Variants in GPAT3 observed in about 807,000 individuals in gnomAD.
GPAT3 encodes the protein 1-AGP acyltransferase 9.
In GPAT3, 53 loss-of-function variants were observed where a neutral mutation model predicts 58.8. The ratio of observed to expected loss-of-function variants is 0.90; its 90% CI spans 0.72 to 1.13. The LOEUF is 1.13. GPAT3 is among the 50% of genes most tolerant of loss of function. The pLI is 0.00. For synonymous variants in GPAT3, 197 were observed against 187.4 expected (o/e 1.05, Z -0.42); for missense variants, 511 against 527.6 (o/e 0.97, Z 0.31).
chr4:83,601,695 A>G (rs543096643), intron 11 of GPAT3, among the ~76,000 whole-genome samples: 2 of 152,390 alleles, frequency 1.3e-5, no homozygotes, highest in South Asian at 2.1e-4. Flanking sequence ...TCGAGGCTGC[A>G]GTTAGCTGAG....
intron 2 of GPAT3, among the ~76,000 whole-genome samples, chr4:83,574,911 T>A (rs1232161398): frequency 7.1e-6 from 1 of 141,382 alleles, no homozygotes; most frequent in Non-Finnish European, 1.5e-5. Context: ...GGAGTCTCGC[T>A]ATCGCCCAGG....
At chr4:83,567,257 G>T (rs1725433180) in intron 2 of GPAT3, among the ~76,000 whole-genome samples, 2 of 152,098 alleles carry the variant, frequency 1.3e-5, no homozygotes, top group African/African-American at 2.4e-5. Context: ...AGTGCCTTTA[G>T]GGTCTTCCCA....
chr4:83,579,479 G>C (rs1726027357), intron 2 of GPAT3, among the ~76,000 whole-genome samples: 1 of 151,710 alleles, frequency 6.6e-6, no homozygotes, highest in Admixed American at 6.6e-5. Context: ...TTTTTGTGGA[G>C]ACAGGTTTCA....
intron 2 of GPAT3, among the ~76,000 whole-genome samples, chr4:83,577,102 G>C (rs1424621848): frequency 6.6e-6 from 1 of 152,136 alleles, no homozygotes; most frequent in Non-Finnish European, 1.5e-5. Context: ...ACTTCCCAAA[G>C]TATACAATCT....
rs529043483 is a variant in GPAT3, at chr4:83,549,711, T to TTTATTATTATTATTA, written c.208+5112_208+5126dup. On this transcript the variant is annotated intron_variant, in intron 2 of 11. Coordinates refer to ENST00000264409, the MANE Select transcript of GPAT3 (RefSeq NM_032717.5). ...CACGCCTGGCTAATTTTTGTATATA[T>TTTATTATTATTATTA]TTATTATTATTATTATTGTTATTAT... Among the ~76,000 whole-genome samples the TTTATTATTATTATTA allele has an allele frequency of 6.1e-3, 870 of 142,852 alleles. 8 individuals are homozygous for TTTATTATTATTATTA. The highest frequency in any genetic ancestry group is 0.019 in the African/African-American group (712 of 37,972). 93.7% of individuals were successfully genotyped at this position (142,852 alleles called of 152,430 possible). A position where few individuals can be genotyped will look rare whatever the true frequency, so the allele number is the denominator to read the frequency against.
intron 2 of GPAT3, among the ~76,000 whole-genome samples, chr4:83,561,701 TAAAG>T (rs1197311641): frequency 1.3e-5 from 2 of 151,796 alleles, no homozygotes; most frequent in African/African-American, 2.4e-5. Context: ...TGCTAATCGA[TAAAG>T]AAGCATGTTT....
At chr4:83,595,083 T>C in intron 7 of GPAT3, 123 bp downstream of exon 7, 1 of 802,952 alleles carries the variant, frequency 1.2e-6, no homozygotes, top group Non-Finnish European at 2.0e-6. Flanking sequence ...CTGTTTGCTG[T>C]TGGATTTTTC....
intron 2 of GPAT3, among the ~76,000 whole-genome samples, chr4:83,571,821 G>A (rs2110089375): frequency 6.6e-6 from 1 of 151,842 alleles, no homozygotes; most frequent in East Asian, 1.9e-4. Flanking sequence ...TATCCAGGCT[G>A]GAGTGCAGTG....
intron 1 of GPAT3, among the ~76,000 whole-genome samples, chr4:83,544,287 G>A (rs1578159203): frequency 6.6e-6 from 1 of 152,216 alleles, no homozygotes; most frequent in African/African-American, 2.4e-5. Flanking sequence ...GGTCACCAAT[G>A]CATGTGAGGC....
intron 2 of GPAT3, among the ~76,000 whole-genome samples, chr4:83,566,449 T>A (rs201738178): frequency 3.0e-5 from 3 of 99,368 alleles, no homozygotes; most frequent in Admixed American, 1.0e-4. Context: ...TATTATTATT[T>A]TTAATAGAGA....
chr4:83,587,824 T>G (rs1178443866), intron 4 of GPAT3, among the ~76,000 whole-genome samples: 1 of 152,154 alleles, frequency 6.6e-6, no homozygotes, highest in Non-Finnish European at 1.5e-5. Flanking sequence ...CCATATTAAT[T>G]GAAAGAAGTT....
At chr4:83,535,787 C>T (rs991216693), upstream of GPAT3, 17 of 985,378 alleles carry the variant, frequency 1.7e-5, no homozygotes, top group Non-Finnish European at 2.0e-5. Context: ...GCGTGGTGCG[C>T]TCTGCGTTTT....
chr4:83,592,064 C>T (rs1276387490), intron 6 of GPAT3, among the ~76,000 whole-genome samples: 4 of 152,114 alleles, frequency 2.6e-5, no homozygotes, highest in Non-Finnish European at 5.9e-5. Flanking sequence ...TCTCGTTATG[C>T]CCCACCTCCC....
intron 2 of GPAT3, among the ~76,000 whole-genome samples, chr4:83,560,101 C>G (rs1036311688): frequency 6.6e-6 from 1 of 152,186 alleles, no homozygotes; most frequent in Non-Finnish European, 1.5e-5. Context: ...GACCAGGTGC[C>G]TGGTTTTCCT....
intron 2 of GPAT3, among the ~76,000 whole-genome samples, chr4:83,575,275 G>T (rs1725765942): frequency 6.6e-6 from 1 of 152,114 alleles, no homozygotes; most frequent in Non-Finnish European, 1.5e-5. Context: ...TATGTTGATT[G>T]AATTGAATAT....
chr4:83,553,395 T>G (rs1724826227), intron 2 of GPAT3, among the ~76,000 whole-genome samples: 1 of 152,220 alleles, frequency 6.6e-6, no homozygotes, highest in Non-Finnish European at 1.5e-5. Flanking sequence ...ACGTGGATAG[T>G]ATTCCTATGC....
chr4:83,536,293 C>G lies in GPAT3; in HGVS notation c.-330C>G. 1 of 1,061,460 alleles carries G rather than the reference C, an allele frequency of 9.4e-7. No homozygotes were observed. Among genetic ancestry groups the G allele is most frequent in the East Asian group, 6.9e-5 (1 of 14,414 alleles). 65.8% of individuals were successfully genotyped at this position (1,061,460 alleles called of 1,614,324 possible). A position where few individuals can be genotyped will look rare whatever the true frequency, so the allele number is the denominator to read the frequency against. On this transcript the variant is annotated 5_prime_UTR_variant, in exon 1 of 12. Transcript: ENST00000264409. ...GGGTTCCTGGCTGCGCTCGCGCGCT[C>G]TGCCCGCGCCGCGGTGTGCCTCCGC... is the stretch of plus-strand genomic sequence containing the variant.
intron 3 of GPAT3, among the ~76,000 whole-genome samples, chr4:83,586,207 T>A (rs963175225): frequency 6.6e-6 from 1 of 152,184 alleles, no homozygotes; most frequent in East Asian, 1.9e-4. Context: ...AAACCTGGGA[T>A]TGGTTAAGAC....
chr4:83,550,251 T>C (rs895650667), intron 2 of GPAT3, among the ~76,000 whole-genome samples: 1 of 152,124 alleles, frequency 6.6e-6, no homozygotes, highest in Non-Finnish European at 1.5e-5. Context: ...CAGGCTGGTC[T>C]TGAACTCCTG....
Sources: gnomAD v4.1 joint callset for allele counts (sites outside exome capture counted in the v4.1 genomes callset) on GRCh38, gnomAD v4.1.1 for gene constraint, MANE v1.5 for transcripts, NCBI Gene and HGNC (gene_info 2026-07-23, HGNC 2026-07-21) for gene names.